The following HMCN1 variants were observed in gnomAD, a reference collection of about 807,000 sequenced individuals.
HMCN1 encodes the protein hemicentin-1.
Under a neutral mutation model 625.9 loss-of-function variants are expected in HMCN1, and 321 were observed. The observed-to-expected ratio is 0.51, with a 90% CI of 0.47 to 0.56. The LOEUF is 0.56. Ranked by LOEUF, HMCN1 falls within the 20% of genes least tolerant of loss-of-function variation. The probability of loss-of-function intolerance (pLI) is 0.00; values close to 1 mark genes in which losing one functional copy is unlikely to be tolerated. For missense variants in HMCN1, 6,588 were observed against 6,887.3 expected (o/e 0.96, Z 1.54); for synonymous variants, 2,425 against 2,417.6 (o/e 1.00, Z -0.09).
chr1:186,077,082 A>G (rs1283742288), intron 54 of HMCN1, among the ~76,000 whole-genome samples: 2 of 152,196 alleles, frequency 1.3e-5, no homozygotes, highest in Non-Finnish European at 2.9e-5. Context: ...TTAAACTGTT[A>G]TGGAATAATA....
At chr1:186,138,023 C>A (rs146604797) in intron 89 of HMCN1, 51 bp downstream of exon 89, 1 of 1,584,682 alleles carries the variant, frequency 6.3e-7, no homozygotes, top group Admixed American at 1.7e-5. Flanking sequence ...CTATCTTAAC[C>A]CCTATGAAAG....
chr1:185,746,762 T>C (rs1242758569), intron 1 of HMCN1, among the ~76,000 whole-genome samples: 3 of 151,932 alleles, frequency 2.0e-5, no homozygotes, highest in Admixed American at 6.6e-5. Flanking sequence ...CCCACCACCA[T>C]GCCCAGCTAA....
At chr1:186,085,877 C>T (rs1659448629) in intron 57 of HMCN1, among the ~76,000 whole-genome samples, 1 of 152,090 alleles carries the variant, frequency 6.6e-6, no homozygotes, top group Non-Finnish European at 1.5e-5. Flanking sequence ...TCACTATTAT[C>T]TCCTTCTCTA....
intron 1 of HMCN1, among the ~76,000 whole-genome samples, chr1:185,760,347 G>C (rs1655414763): frequency 6.6e-6 from 1 of 152,188 alleles, no homozygotes. Context: ...AACTCAGTGA[G>C]AGAGAAGTCA....
At chr1:185,932,810 T>A (rs1667620629) in intron 10 of HMCN1, among the ~76,000 whole-genome samples, 1 of 151,992 alleles carries the variant, frequency 6.6e-6, no homozygotes, top group Non-Finnish European at 1.5e-5. Context: ...GACAAACCTG[T>A]ACGTTCTGCA....
intron 36 of HMCN1, among the ~76,000 whole-genome samples, chr1:186,023,527 G>A (rs150863377): frequency 3.3e-5 from 5 of 152,168 alleles, no homozygotes; most frequent in South Asian, 4.1e-4. Context: ...GAAGGATTTA[G>A]TGAGTAGAAG....
intron 7 of HMCN1, 71 bp from the exon 8 acceptor site, chr1:185,923,319 C>T: frequency 8.5e-7 from 1 of 1,172,760 alleles, no homozygotes; most frequent in Non-Finnish European, 1.3e-6. Flanking sequence ...TATTATCATG[C>T]AAATACTTAT....
At position 186,074,752 on chromosome 1, in the gene HMCN1, C is replaced by G; in HGVS notation, c.8151C>G (p.Ser2717=). Residue 2717 remains serine, a synonymous_variant, in exon 53 of 107, where the codon TCC becomes TCG. Transcript: ENST00000271588. ...SWYKDGQPLK[S]DDHVNIAANG... ...TAATTGAATCACAGCCCCTTAAATC[C>G]GATGATCATGTTAATATTGCTGCGA... The G allele has an allele frequency of 6.2e-7, 1 of 1,612,622 alleles. No homozygotes were observed. The highest frequency in any genetic ancestry group is 1.1e-5 in the South Asian group (1 of 91,040).
intron 101 of HMCN1, 44 bp downstream of exon 101, chr1:186,171,494 C>A: frequency 7.4e-7 from 1 of 1,353,118 alleles, no homozygotes. Flanking sequence ...ACCTCTATAA[C>A]TTCTTAATGA....
chr1:185,761,456 T>G (rs1655496336), intron 1 of HMCN1, among the ~76,000 whole-genome samples: 2 of 152,188 alleles, frequency 1.3e-5, no homozygotes, highest in Non-Finnish European at 2.9e-5. Flanking sequence ...GTCAAAACCC[T>G]TTCCCCATGA....
In HMCN1 at chr1:186,114,810, C is replaced by G. The variant is rs561997220; in HGVS notation, c.11277-9C>G. 4.3e-6 allele frequency: 7 copies of G among 1,614,086 alleles called. No homozygotes were observed. Among genetic ancestry groups the G allele is most frequent in the African/African-American group, 4.0e-5 (3 of 75,044 alleles). ...ATTCAGAAGACTTCACTTGTGATTT[C>G]TCTTGTAGATATTCCATCTTGGAAA... On this transcript the variant is annotated splice_polypyrimidine_tract_variant and intron_variant, in intron 73 of 106. Coordinates refer to ENST00000271588, the MANE Select transcript of HMCN1 (RefSeq NM_031935.3).
chr1:185,763,851 C>T (rs1422891023), intron 1 of HMCN1, among the ~76,000 whole-genome samples: 2 of 152,158 alleles, frequency 1.3e-5, no homozygotes, highest in Non-Finnish European at 2.9e-5. Flanking sequence ...TGTGCTATAA[C>T]ATTTCTAACA....
intron 36 of HMCN1, among the ~76,000 whole-genome samples, chr1:186,034,553 A>G (rs1655696375): frequency 6.6e-6 from 1 of 152,302 alleles, no homozygotes; most frequent in Admixed American, 6.5e-5. Flanking sequence ...CAGGTCAAAT[A>G]ATGACAGTTC....
chr1:185,888,336 T>G (rs1466102911), intron 4 of HMCN1, among the ~76,000 whole-genome samples: 316 of 141,974 alleles, frequency 2.2e-3, no homozygotes, highest in Non-Finnish European at 3.3e-3. Flanking sequence ...GTCAATTTTG[T>G]CTTTTGTTGC....
intron 4 of HMCN1, among the ~76,000 whole-genome samples, chr1:185,872,460 A>T (rs181264611): frequency 6.6e-6 from 1 of 152,200 alleles, no homozygotes; most frequent in Admixed American, 6.5e-5. Context: ...CTTAAAAATT[A>T]TCTTTGTCTG....
intron 2 of HMCN1, among the ~76,000 whole-genome samples, chr1:185,853,902 G>A (rs1013715286): frequency 1.3e-5 from 2 of 152,150 alleles, no homozygotes; most frequent in African/African-American, 2.4e-5. Flanking sequence ...GAGTCATTGC[G>A]TGGCAAATAT....
intron 52 of HMCN1, among the ~76,000 whole-genome samples, chr1:186,073,617 T>C (rs1658608497): frequency 6.6e-6 from 1 of 151,268 alleles, no homozygotes; most frequent in African/African-American, 2.4e-5. Flanking sequence ...CCAGTTAGGG[T>C]TTTGCCAGGG....
At position 185,994,865 on chromosome 1, in the gene HMCN1, CAA is replaced by C; in HGVS notation, c.3558_3559del (p.Arg1187SerfsTer6). 6.2e-7 allele frequency: 1 copy of C among 1,613,738 alleles called. No homozygotes were observed. The highest frequency in any genetic ancestry group is 8.5e-7 in the Non-Finnish European group (1 of 1,179,752). On this transcript the variant is annotated frameshift_variant, in exon 24 of 107. Coordinates refer to ENST00000271588, the MANE Select transcript of HMCN1 (RefSeq NM_031935.3). LOFTEE classifies it high-confidence loss of function. ...TAAACATCTCAAAGTCCAAGTTGGT[CAA>C]AGAGTGGATATTCCATGTAATGCTC... Reference protein sequence around the residue: ...GPKHLKVQVGQRVDIPCNAQG... With the variant: ...GPKHLKVQVGXRVDIPCNAQG...
At chr1:185,983,663 A>G (rs1257136280) in intron 18 of HMCN1, among the ~76,000 whole-genome samples, 1 of 152,174 alleles carries the variant, frequency 6.6e-6, no homozygotes, top group Non-Finnish European at 1.5e-5. Context: ...CCCTGACACA[A>G]TTCAGATGTC....
Sources: allele counts gnomAD v4.1 joint callset (sites outside exome capture counted in the v4.1 genomes callset), GRCh38; gene constraint gnomAD v4.1.1; transcripts MANE v1.5; gene names NCBI Gene and HGNC (gene_info 2026-07-23, HGNC 2026-07-21).